The following MYLK4 variants were observed in gnomAD, a reference collection of about 807,000 sequenced individuals.
MYLK4 encodes caMLCK like.
A neutral mutation model predicts 48.1 loss-of-function variants in MYLK4; 46 were observed. The ratio of observed to expected loss-of-function variants is 0.96; its 90% CI spans 0.75 to 1.22. The LOEUF (loss-of-function observed/expected upper bound fraction) is 1.22, where lower values mean the gene tolerates loss of function less well. Among genes scored for constraint, MYLK4 ranks in the 50% most tolerant of loss-of-function variants. MYLK4 has a pLI of 0.00. For synonymous variants in MYLK4, 170 were observed against 180.8 expected (o/e 0.94, Z 0.48); for missense variants, 451 against 486.1 (o/e 0.93, Z 0.68).
chr6:2,701,094 TCTTA>T (rs1762265414), intron 2 of MYLK4, among the ~76,000 whole-genome samples: 1 of 152,104 alleles, frequency 6.6e-6, no homozygotes, highest in Admixed American at 6.5e-5. Context: ...TTAAAATGAG[TCTTA>T]CTTTGTAAAA....
At position 2,681,184 on chromosome 6, in the gene MYLK4, G is replaced by A. The variant is rs547027626; in HGVS notation, c.688-893C>T. Among the ~76,000 whole-genome samples the A allele has an allele frequency of 1.4e-4, 21 of 152,282 alleles. No homozygotes were observed. The South Asian group carries it at 4.1e-3, about 30-fold the overall frequency. ...GAGGGCACCATCCCAGAAGCCAAAT[G>A]CCCAGGATCCCGTTCCTCAGCCTTT... On this transcript the variant is annotated intron_variant, in intron 7 of 12. Coordinates refer to ENST00000274643, the MANE Select transcript of MYLK4 (RefSeq NM_001012418.5).
chr6:2,677,170 A>T (rs1761113218), intron 10 of MYLK4, among the ~76,000 whole-genome samples: 1 of 152,116 alleles, frequency 6.6e-6, no homozygotes, highest in Admixed American at 6.6e-5. Flanking sequence ...ACATCTTTTT[A>T]AAAAATATCT....
chr6:2,723,807 A>G (rs1763154464), intron 2 of MYLK4, among the ~76,000 whole-genome samples: 1 of 152,208 alleles, frequency 6.6e-6, no homozygotes, highest in East Asian at 1.9e-4. Context: ...GTTGTCTTCT[A>G]CACAGTTATT....
Position 2,673,650 on chromosome 6 carries a change from T to C in MYLK4, c.1119+1397A>G, listed in dbSNP as rs1760983136. Among the ~76,000 whole-genome samples the C allele has an allele frequency of 6.6e-6, 1 of 152,256 alleles. No individual in the cohort carries two copies. The highest frequency in any genetic ancestry group is 6.5e-5 in the Admixed American group (1 of 15,284). On this transcript the variant is annotated intron_variant, in intron 11 of 12. Coordinates refer to ENST00000274643, the MANE Select transcript of MYLK4 (RefSeq NM_001012418.5). This position sits in a 1 kb window ranked among gnomAD's most constrained non-coding sequence, Gnocchi z 4.2. The stretch of plus-strand genomic sequence containing the variant: ...GTTGGCATGGCGTCTTGCCTGTATA[T>C]GCATCTTGCCAGTTGAACATCCTAG...
chr6:2,690,206 C>G (rs1156590718), intron 3 of MYLK4, among the ~76,000 whole-genome samples: 1 of 152,190 alleles, frequency 6.6e-6, no homozygotes, highest in African/African-American at 2.4e-5. Flanking sequence ...CCTGAGTCGG[C>G]CCCGGGAGCT....
upstream of MYLK4, among the ~76,000 whole-genome samples, chr6:2,752,054 T>A (rs917492139): frequency 6.6e-6 from 1 of 152,194 alleles, no homozygotes; most frequent in Non-Finnish European, 1.5e-5. Context: ...AGGCAAGATG[T>A]GTGTGGGCTG....
rs796052168 is a variant in MYLK4 at position 2,685,390 on chromosome 6, C to T, written c.451G>A (p.Glu151Lys). The change falls in exon 6 of 13, where the codon GAG becomes AAG. Residue 151 changes from glutamate (E) to lysine (K), a missense_variant. Transcript: ENST00000274643. This position sits in a 1 kb window ranked among gnomAD's most constrained non-coding sequence, Gnocchi z 4.5. ...GMKDKEEVKN[E>K]ISVMNQLDHA... is the part of the protein sequence containing the mutation. ...TCCAGCTGGTTCATGACGCTGATCT[C>T]GTTCTTCACCTCCTCCTGAGAAGCA... The T allele has an allele frequency of 3.9e-6, 6 of 1,556,920 alleles. No individual in the cohort carries two copies. The highest frequency in any genetic ancestry group is 3.5e-6 in the Non-Finnish European group (4 of 1,144,142).
chr6:2,764,622 G>C, the MYLK4 span, among the ~76,000 whole-genome samples: 6 of 152,162 alleles, frequency 3.9e-5, no homozygotes, highest in African/African-American at 1.4e-4. Context: ...GTTTTAATCT[G>C]ATATTCTTTC....
chr6:2,768,694 ACT>A, the MYLK4 span: 1 of 1,604,130 alleles, frequency 6.2e-7, no homozygotes, highest in Non-Finnish European at 8.5e-7. Flanking sequence ...TTTCTAGACC[ACT>A]CTGGCTCACA....
chr6:2,712,018 G>A (rs1211802511), intron 2 of MYLK4, among the ~76,000 whole-genome samples: 1 of 152,080 alleles, frequency 6.6e-6, no homozygotes, highest in African/African-American at 2.4e-5. Flanking sequence ...ATTCAGAGCT[G>A]GCCATTTGAA....
chr6:2,710,362 C>A (rs1302163041), intron 2 of MYLK4, among the ~76,000 whole-genome samples: 2 of 152,180 alleles, frequency 1.3e-5, no homozygotes, highest in Admixed American at 6.5e-5. Flanking sequence ...CACTCCCTCC[C>A]CAAGTCTTAA....
chr6:2,732,328 A>C (rs746230941), intron 2 of MYLK4, among the ~76,000 whole-genome samples: 1 of 152,146 alleles, frequency 6.6e-6, no homozygotes, highest in Non-Finnish European at 1.5e-5. Flanking sequence ...CGCTAACCCC[A>C]TATTTCAAAT....
chr6:2,744,820 A>G (rs1055960903), intron 2 of MYLK4, among the ~76,000 whole-genome samples: 1 of 152,236 alleles, frequency 6.6e-6, no homozygotes, highest in African/African-American at 2.4e-5. Context: ...CCAGGTTTTA[A>G]AAAGGAATTA....
At chr6:2,692,678 T>A in intron 3 of MYLK4, 106 bp downstream of exon 3, 1 of 810,226 alleles carries the variant, frequency 1.2e-6, no homozygotes, top group Non-Finnish European at 1.8e-6. Context: ...ACATCACTTC[T>A]TCCTGCACAG....
At chr6:2,698,210 T>C (rs1285217537) in intron 2 of MYLK4, among the ~76,000 whole-genome samples, 1 of 152,244 alleles carries the variant, frequency 6.6e-6, no homozygotes, top group Admixed American at 6.5e-5. Flanking sequence ...TTTGTAGCTG[T>C]GACCCACAGC....
intron 2 of MYLK4, among the ~76,000 whole-genome samples, chr6:2,697,977 C>T (rs1762130106): frequency 2.6e-5 from 4 of 152,204 alleles, no homozygotes. Context: ...GCCAGGCTGC[C>T]CTGGGGGCCA....
chr6:2,764,506 A>G, the MYLK4 span, among the ~76,000 whole-genome samples: 13 of 152,350 alleles, frequency 8.5e-5, no homozygotes, highest in African/African-American at 3.1e-4. Flanking sequence ...TACCTCTTCT[A>G]GTTACCAAAA....
At chr6:2,766,166 G>A in the MYLK4 span, 2 of 1,339,410 alleles carry the variant, frequency 1.5e-6, no homozygotes, top group Non-Finnish European at 1.9e-6. Flanking sequence ...GGACGCGGAC[G>A]GCGAGGACGA....
the MYLK4 span, among the ~76,000 whole-genome samples, chr6:2,769,653 A>C: frequency 0.013 from 1,975 of 152,292 alleles, 30 homozygotes; most frequent in South Asian, 0.061. Flanking sequence ...GACTCATCTT[A>C]GTATTTTTTC....
Sources: allele counts gnomAD v4.1 joint callset (sites outside exome capture counted in the v4.1 genomes callset), GRCh38; gene constraint gnomAD v4.1.1; non-coding constraint Gnocchi (gnomAD v3.1); transcripts MANE v1.5; gene names NCBI Gene and HGNC (gene_info 2026-07-23, HGNC 2026-07-21).